CDH6: variants seen among roughly 807,000 people sequenced by gnomAD.
CDH6 encodes cadherin 6.
In CDH6, 31 loss-of-function variants were observed where a neutral mutation model predicts 78.0. The ratio of observed to expected loss-of-function variants is 0.40; its 90% CI spans 0.30 to 0.54. The LOEUF is 0.54. CDH6 is among the 20% of genes least tolerant of loss of function. The probability of loss-of-function intolerance (pLI) is 0.56; values close to 1 mark genes in which losing one functional copy is unlikely to be tolerated. For missense variants in CDH6, 724 were observed against 975.9 expected (o/e 0.74, Z 3.44); for synonymous variants, 376 against 368.8 (o/e 1.02, Z -0.23).
At chr5:31,284,350 C>T (rs940677181) in intron 2 of CDH6, among the ~76,000 whole-genome samples, 2 of 152,210 alleles carry the variant, frequency 1.3e-5, no homozygotes, top group African/African-American at 4.8e-5. Flanking sequence ...AGGAACTTCA[C>T]ATTCCTGGAT....
chr5:31,299,546 C>T lies in CDH6; in HGVS notation c.726C>T (p.Gly242=), dbSNP rs150406388. ...YQVVIQAKDM[G]GQMGGLSGTT... is the part of the protein sequence containing the mutation. ...TGGTGATTCAAGCCAAGGATATGGG[C>T]GGCCAGATGGGAGGATTATCTGGGA... Residue 242 remains glycine (G), a synonymous_variant, in exon 5 of 12, where the codon GGC becomes GGT. Transcript: ENST00000265071. The T allele has an allele frequency of 6.1e-5, 99 of 1,613,418 alleles. No homozygotes were observed. The highest frequency in any genetic ancestry group is 3.8e-4 in the South Asian group (35 of 91,040).
chr5:31,209,581 A>G (rs1376056748), intron 1 of CDH6, among the ~76,000 whole-genome samples: 1 of 152,176 alleles, frequency 6.6e-6, no homozygotes, highest in Admixed American at 6.5e-5. Flanking sequence ...TCAGCATCCT[A>G]AAGATCTGAT....
intron 1 of CDH6, among the ~76,000 whole-genome samples, chr5:31,212,935 C>G (rs7714566): frequency 1.3e-5 from 2 of 152,062 alleles, no homozygotes; most frequent in Non-Finnish European, 2.9e-5. Context: ...CTATTTTTCC[C>G]GTAGTCATTT....
intron 11 of CDH6, among the ~76,000 whole-genome samples, chr5:31,322,107 A>T (rs1738490129): frequency 6.6e-6 from 1 of 152,204 alleles, no homozygotes; most frequent in Non-Finnish European, 1.5e-5. Context: ...AAAATAAAAA[A>T]TCTCACTTAC....
intron 1 of CDH6, among the ~76,000 whole-genome samples, chr5:31,262,918 C>T (rs1245608548): frequency 6.6e-6 from 1 of 152,144 alleles, no homozygotes; most frequent in Non-Finnish European, 1.5e-5. Context: ...CCATTGTCTT[C>T]CTTTGCTTGA....
At chr5:31,248,551 T>C (rs944836882) in intron 1 of CDH6, among the ~76,000 whole-genome samples, 1 of 152,222 alleles carries the variant, frequency 6.6e-6, no homozygotes, top group Non-Finnish European at 1.5e-5. Flanking sequence ...TAGACTCTAA[T>C]TATTCTTGAG....
intron 2 of CDH6, among the ~76,000 whole-genome samples, chr5:31,280,415 A>G (rs1326888797): frequency 6.6e-6 from 1 of 152,186 alleles, no homozygotes; most frequent in Non-Finnish European, 1.5e-5. Flanking sequence ...CTCTAGTTGA[A>G]CATGATTCAT....
Position 31,327,061 on chromosome 5 carries a change from T to C in CDH6, c.*3753T>C, listed in dbSNP as rs2149964122. ...ATCCAAATTAACTTTAGAATGTTTCTATTACTTTCACTTTTACATATATAA... is the reference window on the plus strand; with the variant it reads ...ATCCAAATTAACTTTAGAATGTTTCCATTACTTTCACTTTTACATATATAA... On this transcript the variant is annotated 3_prime_UTR_variant, in exon 12 of 12. Transcript: ENST00000265071. 5.6e-6 allele frequency: 1 copy of C among 179,652 alleles called. No individual in the cohort carries two copies. Among genetic ancestry groups the C allele is most frequent in the East Asian group, 9.2e-5 (1 of 10,850 alleles). 11.1% of individuals were successfully genotyped at this position (179,652 alleles called of 1,614,324 possible).
rs1176324825 is a variant in CDH6, at chr5:31,293,973, C to A, written c.240C>A (p.Asp80Glu). Residue 80 changes from aspartate to glutamate, a missense_variant, in exon 3 of 12, where the codon GAC (aspartate) becomes GAA (glutamate). Physicochemically the swap from Asp to Glu is conservative, Grantham distance 45 (BLOSUM62 2). This residue lies in a region of CDH6 where 446 missense variants were observed against 684.5 expected (regional missense o/e 0.65). Transcript: ENST00000265071. The stretch of plus-strand genomic sequence containing the variant: ...TTTTTCTACACTAGTTACATTCAGA[C>A]CAGGATAGAGGAGATGGATCACTTA... ...DYQYVGKLHSDQDRGDGSLKY... is the reference protein window; with the variant it reads ...DYQYVGKLHSEQDRGDGSLKY... 6.3e-7 allele frequency: 1 copy of A among 1,595,934 alleles called. No homozygotes were observed. The highest frequency in any genetic ancestry group is 8.5e-7 in the Non-Finnish European group (1 of 1,171,314).
In CDH6 at chr5:31,299,587, T is replaced by C; in HGVS notation, c.767T>C (p.Ile256Thr). ...GGLSGTTTVN[I>T]TLTDVNDNPP... ...TTATCTGGGACCACCACCGTGAACA[T>C]CACACTGACTGATGTCAACGACAAC... Residue 256 changes from isoleucine (I) to threonine (T), a missense_variant, in exon 5 of 12, where the codon ATC becomes ACC. By Grantham distance (89) the Ile-to-Thr change is moderately conservative. Transcript: ENST00000265071. 1 of 1,613,944 alleles carries C rather than the reference T, an allele frequency of 6.2e-7. No homozygotes were observed. Among genetic ancestry groups the C allele is most frequent in the Non-Finnish European group, 8.5e-7 (1 of 1,179,880 alleles).
At chr5:31,233,724 T>G (rs1196331149) in intron 1 of CDH6, among the ~76,000 whole-genome samples, 7 of 152,208 alleles carry the variant, frequency 4.6e-5, no homozygotes, top group Admixed American at 2.0e-4. Context: ...TTCCCATGAC[T>G]GGCTCATTGT....
At position 31,305,378 on chromosome 5, in the gene CDH6, A is replaced by G. The variant is rs770722564; in HGVS notation, c.1204A>G (p.Ile402Val). The change falls in exon 7 of 12, where the codon ATA (isoleucine) becomes GTA (valine). Residue 402 changes from isoleucine to valine, a missense_variant. By Grantham distance (29) the Ile-to-Val change is conservative. Around this residue, in one of 3 missense-constraint regions of CDH6, gnomAD observed 446 missense variants for 684.5 expected, o/e 0.65. Coordinates refer to ENST00000265071, the MANE Select transcript of CDH6 (RefSeq NM_004932.4). ...AGAAGATGCTCAGATAAACACCACA[A>G]TAGGCTCCGTCACAGCCCAAGATCC... is the stretch of plus-strand genomic sequence containing the variant. ...IREDAQINTT[I>V]GSVTAQDPDA... 1.9e-6 allele frequency: 3 copies of G among 1,614,006 alleles called. No individual in the cohort carries two copies. The highest frequency in any genetic ancestry group is 2.2e-5 in the South Asian group (2 of 91,082).
At chr5:31,287,511 T>A (rs911229439) in intron 2 of CDH6, among the ~76,000 whole-genome samples, 4 of 152,200 alleles carry the variant, frequency 2.6e-5, no homozygotes, top group Non-Finnish European at 5.9e-5. Flanking sequence ...GAAACCTACT[T>A]GTAAATTAAG....
In CDH6 at chr5:31,324,192, G is replaced by A. The variant is rs926706818; in HGVS notation, c.*884G>A. ...TAAAAATTCTTGAAAGAATTTTCCT[G>A]AGACAAATTTTAACTTCTTGTCTAT... On this transcript the variant is annotated 3_prime_UTR_variant, in exon 12 of 12. Coordinates refer to ENST00000265071, the MANE Select transcript of CDH6 (RefSeq NM_004932.4). The A allele has an allele frequency of 4.6e-6, 1 of 217,766 alleles. No homozygotes were observed. Among genetic ancestry groups the A allele is most frequent in the African/African-American group, 2.2e-5 (1 of 44,534 alleles). 13.5% of individuals were successfully genotyped at this position (217,766 alleles called of 1,614,324 possible).
intron 1 of CDH6, among the ~76,000 whole-genome samples, chr5:31,200,028 G>C (rs866065009): frequency 1.3e-5 from 2 of 152,110 alleles, no homozygotes; most frequent in Middle Eastern, 6.8e-3. Flanking sequence ...GACTCTCTCT[G>C]AGAACTACAG....
chr5:31,263,340 C>T (rs778865102), intron 1 of CDH6, among the ~76,000 whole-genome samples: 1 of 151,154 alleles, frequency 6.6e-6, no homozygotes, highest in Non-Finnish European at 1.5e-5. Flanking sequence ...CTCACTGCAA[C>T]CTCCGCATCC....
chr5:31,315,789 C>T lies in CDH6; in HGVS notation c.1391-419C>T, dbSNP rs559403656. ...AGTGTTTAGCATGACATCTTGCTCT[C>T]GTTCAGCATTCAAACTAAACCACTA... On this transcript the variant is annotated intron_variant, in intron 8 of 11. Transcript: ENST00000265071. Among the ~76,000 whole-genome samples, 10 of 152,316 alleles carry T rather than the reference C, an allele frequency of 6.6e-5. No homozygotes were observed. The South Asian group carries it at 8.3e-4, about 13-fold the overall frequency.
intron 5 of CDH6, among the ~76,000 whole-genome samples, chr5:31,300,765 G>A (rs1309136351): frequency 6.6e-6 from 1 of 152,180 alleles, no homozygotes; most frequent in East Asian, 1.9e-4. Flanking sequence ...AATATGCCAA[G>A]GCAAGGGAGG....
chr5:31,235,110 A>G (rs1442612496), intron 1 of CDH6, among the ~76,000 whole-genome samples: 2 of 152,112 alleles, frequency 1.3e-5, no homozygotes, highest in Admixed American at 1.3e-4. Context: ...TGAGAAGACC[A>G]TGGGGTAGAA....
Sources: gnomAD v4.1 joint callset for allele counts (sites outside exome capture counted in the v4.1 genomes callset) on GRCh38, gnomAD v4.1.1 for gene constraint, gnomAD v4.1.1 regional missense constraint, MANE v1.5 for transcripts, NCBI Gene and HGNC (gene_info 2026-07-23, HGNC 2026-07-21) for gene names.